Variants in PRKCE observed in about 807,000 individuals in gnomAD.
The protein encoded by PRKCE is protein kinase C epsilon type.
Under a neutral mutation model 85.4 loss-of-function variants are expected in PRKCE, and 16 were observed. That is an observed-to-expected ratio of 0.19 (90% confidence interval 0.13 to 0.28). The LOEUF (loss-of-function observed/expected upper bound fraction) is 0.28, where lower values mean the gene tolerates loss of function less well. PRKCE is among the 10% of genes least tolerant of loss of function. The pLI is 1.00. For missense variants in PRKCE, 573 were observed against 975.2 expected (o/e 0.59, Z 5.49); for synonymous variants, 388 against 371.5 (o/e 1.04, Z -0.51).
intron 10 of PRKCE, among the ~76,000 whole-genome samples, chr2:46,084,645 C>G (rs1204973271): frequency 6.6e-6 from 1 of 150,496 alleles, no homozygotes; most frequent in East Asian, 1.9e-4. Flanking sequence ...TCGCTTGAAC[C>G]AGGGAGTCAG....
intron 1 of PRKCE, among the ~76,000 whole-genome samples, chr2:45,726,961 A>T (rs892326024): frequency 4.6e-5 from 7 of 152,254 alleles, no homozygotes; most frequent in Non-Finnish European, 7.3e-5. Flanking sequence ...GGGAAATAAG[A>T]TTAAAAATGT....
rs557262347 is a variant in PRKCE, at chr2:45,734,059, A to T, written c.348+81611A>T. Among the ~76,000 whole-genome samples the T allele has an allele frequency of 2.6e-5, 4 of 152,308 alleles. No homozygotes were observed. In the South Asian group the frequency reaches 8.3e-4, roughly 32 times the overall value. On this transcript the variant is annotated intron_variant, in intron 1 of 14. Transcript: ENST00000306156. ...TTGAGGCTGGGTAATTATGAAGTGCAGTCCAGTGGAAAACATTAAACCCTG... is the reference window on the plus strand; with the variant it reads ...TTGAGGCTGGGTAATTATGAAGTGCTGTCCAGTGGAAAACATTAAACCCTG...
At chr2:45,986,712 G>A (rs2104611537) in intron 6 of PRKCE, among the ~76,000 whole-genome samples, 1 of 152,298 alleles carries the variant, frequency 6.6e-6, no homozygotes, top group African/African-American at 2.4e-5. Context: ...TGTGGGGACA[G>A]AACACAATCC....
chr2:45,714,447 G>A (rs1679922689), intron 1 of PRKCE, among the ~76,000 whole-genome samples: 1 of 152,238 alleles, frequency 6.6e-6, no homozygotes, highest in Non-Finnish European at 1.5e-5. Context: ...AGGCCATGAG[G>A]TGGGAAAAGA....
At chr2:45,729,187 C>T (rs1681346522) in intron 1 of PRKCE, among the ~76,000 whole-genome samples, 1 of 152,174 alleles carries the variant, frequency 6.6e-6, no homozygotes, top group South Asian at 2.1e-4. Context: ...GGAGCTGATA[C>T]CACGTCACTT....
At position 45,803,740 on chromosome 2, in the gene PRKCE, T is replaced by C. The variant is rs532095301; in HGVS notation, c.349-39260T>C. On this transcript the variant is annotated intron_variant, in intron 1 of 14. Coordinates refer to ENST00000306156, the MANE Select transcript of PRKCE (RefSeq NM_005400.3). Reference sequence around the variant, plus strand: ...TTATGCTCAATTTAGGTCAATGGAATAAATGTTTAGTAAATTGTTTCTGAA... The same window carrying C: ...TTATGCTCAATTTAGGTCAATGGAACAAATGTTTAGTAAATTGTTTCTGAA... Among the ~76,000 whole-genome samples, 239 of 152,248 alleles carry C rather than the reference T, an allele frequency of 1.6e-3. 2 individuals carry two copies. The highest frequency in any genetic ancestry group is 3.0e-3 in the Non-Finnish European group (203 of 68,036).
intron 1 of PRKCE, among the ~76,000 whole-genome samples, chr2:45,744,458 T>G (rs894295492): frequency 1.6e-5 from 1 of 61,302 alleles, no homozygotes; most frequent in Non-Finnish European, 3.2e-5. Context: ...TCTTTCTTTC[T>G]TTCTTTCTTT....
chr2:46,159,530 G>C lies in PRKCE; in HGVS notation c.1921-76G>C. 1 of 1,448,550 alleles carries C rather than the reference G, an allele frequency of 6.9e-7. No homozygotes were observed. Among genetic ancestry groups the C allele is most frequent in the Non-Finnish European group, 9.1e-7 (1 of 1,097,304 alleles). 89.7% of individuals were successfully genotyped at this position (1,448,550 alleles called of 1,614,324 possible). A position where few individuals can be genotyped will look rare whatever the true frequency, so the allele number is the denominator to read the frequency against. ...CGATGCTGAAGATGCTGCTTTGGCT[G>C]ACCTCCATCTGTCCCTTATAGCCTG... On this transcript the variant is annotated intron_variant, in intron 13 of 14. Transcript: ENST00000306156. This position sits in a 1 kb window ranked among gnomAD's most constrained non-coding sequence, Gnocchi z 4.1.
chr2:46,016,499 C>T (rs1706159631), intron 10 of PRKCE, among the ~76,000 whole-genome samples: 1 of 152,136 alleles, frequency 6.6e-6, no homozygotes, highest in African/African-American at 2.4e-5. Context: ...TGTTAATGCT[C>T]ATGTGTCCCA....
chr2:45,985,594 A>G lies in PRKCE; in HGVS notation c.823+914A>G, dbSNP rs192691541. Among the ~76,000 whole-genome samples, 7 of 152,328 alleles carry G rather than the reference A, an allele frequency of 4.6e-5. No individual in the cohort carries two copies. The East Asian group carries it at 1.3e-3, about 29-fold the overall frequency. On this transcript the variant is annotated intron_variant, in intron 6 of 14. Transcript: ENST00000306156. Reference sequence around the variant, plus strand: ...AGAAAATAAACCTAGGACATAACAAATTGGTCATTGAAGGGATCCCAATGA... The same window carrying G: ...AGAAAATAAACCTAGGACATAACAAGTTGGTCATTGAAGGGATCCCAATGA...
chr2:46,166,074 G>A (rs1046643950), intron 14 of PRKCE, among the ~76,000 whole-genome samples: 8 of 152,114 alleles, frequency 5.3e-5, no homozygotes, highest in Admixed American at 2.0e-4. Context: ...CCAGCCATCC[G>A]CGCTGCATGG....
At chr2:45,885,002 T>TATTTG (rs1553440407) in intron 2 of PRKCE, among the ~76,000 whole-genome samples, 6 of 97,648 alleles carry the variant, frequency 6.1e-5, no homozygotes, top group South Asian at 3.4e-4. Context: ...TATATATATA[T>TATTTG]TTGTTGTTGT....
rs1205129629 is a variant in PRKCE at position 46,145,658 on chromosome 2, A to G, written c.1731+427A>G. On this transcript the variant is annotated intron_variant, in intron 12 of 14. Coordinates refer to ENST00000306156, the MANE Select transcript of PRKCE (RefSeq NM_005400.3). The surrounding 1 kb of genome is among the most constrained non-coding windows in gnomAD (Gnocchi z 4.6). ...CAAGGCAGGTAGATCGCTTGAGCCC[A>G]GGAGTTCAAGACCAGCCGGGGCAAC... 2.6e-5 allele frequency among the ~76,000 whole-genome samples: 4 copies of G among 152,184 alleles called. No homozygotes were observed. Among genetic ancestry groups the G allele is most frequent in the Non-Finnish European group, 5.9e-5 (4 of 68,036 alleles).
At chr2:46,101,018 C>T (rs187290782) in intron 11 of PRKCE, among the ~76,000 whole-genome samples, 38 of 152,216 alleles carry the variant, frequency 2.5e-4, no homozygotes, top group South Asian at 6.2e-4. Flanking sequence ...TACAAGCACC[C>T]GCCAACTTGC....
At chr2:45,936,539 G>A (rs1350918590) in intron 2 of PRKCE, among the ~76,000 whole-genome samples, 1 of 152,080 alleles carries the variant, frequency 6.6e-6, no homozygotes, top group Admixed American at 6.5e-5. Context: ...CGGGAGGCCC[G>A]ACATCCAAAA....
At chr2:45,893,353 C>CTTTTTTTTTT (rs61708342) in intron 2 of PRKCE, among the ~76,000 whole-genome samples, 1 of 136,410 alleles carries the variant, frequency 7.3e-6, no homozygotes, top group Non-Finnish European at 1.6e-5. Flanking sequence ...CTTTTCTTTT[C>CTTTTTTTTTT]TTTTTTTTTT....
chr2:45,701,328 C>T (rs1384991802), intron 1 of PRKCE: 2 of 152,030 alleles, frequency 1.3e-5, no homozygotes, highest in Admixed American at 1.3e-4. Context: ...AATTGGGATG[C>T]TACCTATCTA....
chr2:46,000,049 G>A (rs1011333412), intron 6 of PRKCE, among the ~76,000 whole-genome samples: 1 of 151,956 alleles, frequency 6.6e-6, no homozygotes, highest in Non-Finnish European at 1.5e-5. Flanking sequence ...AATCATAGTT[G>A]TTTTAAATTC....
chr2:45,761,849 G>A (rs1684532281), intron 1 of PRKCE, among the ~76,000 whole-genome samples: 1 of 152,086 alleles, frequency 6.6e-6, no homozygotes, highest in African/African-American at 2.4e-5. Flanking sequence ...CTTGAGCCAG[G>A]GCTGTCTGCA....
Sources: allele counts gnomAD v4.1 joint callset (sites outside exome capture counted in the v4.1 genomes callset), GRCh38; gene constraint gnomAD v4.1.1; non-coding constraint Gnocchi (gnomAD v3.1); transcripts MANE v1.5; gene names NCBI Gene and HGNC (gene_info 2026-07-23, HGNC 2026-07-21).